Variants in HS6ST3 observed in about 807,000 individuals in gnomAD.
The protein encoded by HS6ST3 is heparan sulfate 6-O-sulfotransferase 3, also known as heparan-sulfate 6-O-sulfotransferase 3.
Under a neutral mutation model 36.7 loss-of-function variants are expected in HS6ST3, and 12 were observed. The ratio of observed to expected loss-of-function variants is 0.33; its 90% confidence interval spans 0.21 to 0.53. The LOEUF (loss-of-function observed/expected upper bound fraction) is 0.53, where lower values mean the gene tolerates loss of function less well. HS6ST3 is among the 20% of genes least tolerant of loss of function. The pLI is 0.95. For missense variants in HS6ST3, 584 were observed against 640.9 expected, an observed-to-expected ratio of 0.91 and a Z score of 0.96; for synonymous variants, 240 against 257.5, an observed-to-expected ratio of 0.93 and a Z score of 0.65.
At chr13:96,116,201 CG>C (rs1192253667) in intron 1 of HS6ST3, among the ~76,000 whole-genome samples, 1 of 152,174 alleles carries the variant, frequency 6.6e-6, no homozygotes, top group Non-Finnish European at 1.5e-5. Flanking sequence ...TTCAACGACT[CG>C]AGTGCATAGT....
chr13:96,379,024 A>G (rs1661605658), intron 1 of HS6ST3, among the ~76,000 whole-genome samples: 1 of 152,120 alleles, frequency 6.6e-6, no homozygotes, highest in South Asian at 2.1e-4. Flanking sequence ...TTATTGATTT[A>G]GCTTGTGCAT....
chr13:96,448,579 G>A (rs956772702), intron 1 of HS6ST3, among the ~76,000 whole-genome samples: 1 of 151,892 alleles, frequency 6.6e-6, no homozygotes, highest in African/African-American at 2.4e-5. Flanking sequence ...GGTGATATCC[G>A]CCCTAAGCCA....
At chr13:96,233,351 A>G (rs567005552) in intron 1 of HS6ST3, among the ~76,000 whole-genome samples, 3 of 152,328 alleles carry the variant, frequency 2.0e-5, no homozygotes, top group African/African-American at 7.2e-5. Flanking sequence ...GCAGTGTTGC[A>G]TCATTGGTTC....
At chr13:96,282,522 T>A (rs1041853213) in intron 1 of HS6ST3, among the ~76,000 whole-genome samples, 4 of 152,170 alleles carry the variant, frequency 2.6e-5, no homozygotes, top group Admixed American at 2.0e-4. Context: ...TAAATGGCCT[T>A]ACCCAAAGTT....
At chr13:96,197,950 A>G (rs1439900167) in intron 1 of HS6ST3, among the ~76,000 whole-genome samples, 1 of 152,152 alleles carries the variant, frequency 6.6e-6, no homozygotes, top group Non-Finnish European at 1.5e-5. Flanking sequence ...TCTCTTCTGC[A>G]CTGGCCTAAC....
At chr13:96,097,852 T>G (rs2053798833) in intron 1 of HS6ST3, among the ~76,000 whole-genome samples, 1 of 152,228 alleles carries the variant, frequency 6.6e-6, no homozygotes, top group Non-Finnish European at 1.5e-5. Flanking sequence ...TATAGAAGAT[T>G]CTGAATAAAT....
intron 1 of HS6ST3, among the ~76,000 whole-genome samples, chr13:96,283,762 A>G (rs2054786795): frequency 6.6e-6 from 1 of 152,148 alleles, no homozygotes; most frequent in African/African-American, 2.4e-5. Context: ...CAGTGCTTTT[A>G]AAAGTTTAAT....
intron 1 of HS6ST3, among the ~76,000 whole-genome samples, chr13:96,198,750 C>G (rs1297445315): frequency 6.6e-6 from 1 of 152,182 alleles, no homozygotes; most frequent in African/African-American, 2.4e-5. Flanking sequence ...TTGGCAAAGC[C>G]ATTCAACAAG....
At chr13:96,535,289 G>A (rs1472888347) in intron 1 of HS6ST3, among the ~76,000 whole-genome samples, 2 of 152,056 alleles carry the variant, frequency 1.3e-5, no homozygotes, top group Admixed American at 6.6e-5. Context: ...GGGCATGGTG[G>A]CTCATGCCTG....
At chr13:96,757,887 T>A (rs1876871981) in intron 1 of HS6ST3, among the ~76,000 whole-genome samples, 1 of 152,124 alleles carries the variant, frequency 6.6e-6, no homozygotes, top group Admixed American at 6.5e-5. Context: ...TTGTGTGCAT[T>A]GAGGTTCTTG....
chr13:96,499,137 T>C (rs2055991714), intron 1 of HS6ST3, among the ~76,000 whole-genome samples: 1 of 151,932 alleles, frequency 6.6e-6, no homozygotes, highest in Admixed American at 6.6e-5. Context: ...GTGATTCTCC[T>C]GCCTCAGCCT....
chr13:96,759,562 C>A (rs1438961087), intron 1 of HS6ST3, among the ~76,000 whole-genome samples: 1 of 151,808 alleles, frequency 6.6e-6, no homozygotes, highest in East Asian at 1.9e-4. Flanking sequence ...TACCACAACA[C>A]AATTCATACC....
intron 1 of HS6ST3, among the ~76,000 whole-genome samples, chr13:96,120,283 A>G (rs1473393694): frequency 6.6e-6 from 1 of 152,310 alleles, no homozygotes; most frequent in East Asian, 1.9e-4. Context: ...CTGGTAGACT[A>G]TATATTTCTG....
At chr13:96,764,122 T>A (rs1204365094) in intron 1 of HS6ST3, among the ~76,000 whole-genome samples, 1 of 152,250 alleles carries the variant, frequency 6.6e-6, no homozygotes, top group East Asian at 1.9e-4. Context: ...CTTTACATAG[T>A]CATGCTTCTC....
At chr13:96,578,008 G>T (rs941440162) in intron 1 of HS6ST3, among the ~76,000 whole-genome samples, 2 of 152,222 alleles carry the variant, frequency 1.3e-5, no homozygotes, top group African/African-American at 2.4e-5. Flanking sequence ...GATTTAAAAT[G>T]CCAAGTGGTG....
intron 1 of HS6ST3, among the ~76,000 whole-genome samples, chr13:96,769,107 C>A (rs1269924936): frequency 6.6e-6 from 1 of 152,158 alleles, no homozygotes; most frequent in South Asian, 2.1e-4. Context: ...TGTGCACGCA[C>A]GTGCCCCACC....
At chr13:96,336,645 TA>T (rs2055102673) in intron 1 of HS6ST3, among the ~76,000 whole-genome samples, 1 of 152,206 alleles carries the variant, frequency 6.6e-6, no homozygotes, top group African/African-American at 2.4e-5. Context: ...CAACCCTGCC[TA>T]CACTTTGATC....
intron 1 of HS6ST3, among the ~76,000 whole-genome samples, chr13:96,264,786 A>G (rs1482402618): frequency 6.6e-6 from 1 of 152,206 alleles, no homozygotes; most frequent in African/African-American, 2.4e-5. Flanking sequence ...GCAAAGGTAT[A>G]AGGCTTGGTT....
chr13:96,712,986 A>G (rs371150255), intron 1 of HS6ST3, among the ~76,000 whole-genome samples: 3 of 152,360 alleles, frequency 2.0e-5, no homozygotes, highest in African/African-American at 7.2e-5. Flanking sequence ...ACTCCTACTG[A>G]GTAACATAAA....
Sources: allele counts gnomAD v4.1 joint callset (sites outside exome capture counted in the v4.1 genomes callset), GRCh38; gene constraint gnomAD v4.1.1; transcripts MANE v1.5; gene names NCBI Gene and HGNC (gene_info 2026-07-23, HGNC 2026-07-21).